MIPOL1: variants seen among roughly 807,000 people sequenced by gnomAD.
MIPOL1 encodes mirror-image polydactyly gene 1 protein.
In MIPOL1, 57 loss-of-function variants were observed where a neutral mutation model predicts 60.9. The ratio of observed to expected loss-of-function variants is 0.94; its 90% CI spans 0.76 to 1.17. The LOEUF (loss-of-function observed/expected upper bound fraction) is 1.17, where lower values mean the gene tolerates loss of function less well. MIPOL1 is among the 50% of genes most tolerant of loss of function. The probability of loss-of-function intolerance (pLI) is 0.00; values close to 1 mark genes in which losing one functional copy is unlikely to be tolerated. For synonymous variants in MIPOL1, 179 were observed against 168.8 expected, an observed-to-expected ratio of 1.06 and a Z score of -0.47; for missense variants, 551 against 511.6, an observed-to-expected ratio of 1.08 and a Z score of -0.74.
chr14:37,249,444 A>G (rs1973729519), intron 3 of MIPOL1, among the ~76,000 whole-genome samples: 1 of 151,928 alleles, frequency 6.6e-6, no homozygotes, highest in Non-Finnish European at 1.5e-5. Context: ...TGATTTCTGG[A>G]TTTTGTTTTT....
chr14:37,293,855 C>G (rs1034841558), intron 7 of MIPOL1, among the ~76,000 whole-genome samples: 6 of 152,220 alleles, frequency 3.9e-5, no homozygotes, highest in African/African-American at 9.6e-5. Flanking sequence ...AGGAGGCCTT[C>G]CTGCCTCTGT....
intron 1 of MIPOL1, among the ~76,000 whole-genome samples, chr14:37,200,664 GTTTTTTTTTTT>G (rs559596328): frequency 9.0e-6 from 1 of 111,222 alleles, no homozygotes; most frequent in Non-Finnish European, 1.9e-5. Context: ...TTCCCAGTTA[GTTTTTTTTTTT>G]TTTTTTTTTT....
intron 12 of MIPOL1, chr14:37,505,481 T>C (rs896053686): frequency 1.3e-5 from 2 of 152,082 alleles, no homozygotes; most frequent in African/African-American, 4.8e-5. Context: ...ATCCATCACA[T>C]AAAAAGAACC....
At chr14:37,373,681 C>T (rs947279838) in intron 10 of MIPOL1, among the ~76,000 whole-genome samples, 1 of 152,122 alleles carries the variant, frequency 6.6e-6, no homozygotes, top group African/African-American at 2.4e-5. Flanking sequence ...ATGATGATTT[C>T]CAACTTCGTC....
At chr14:37,426,521 A>T (rs1480733839) in intron 11 of MIPOL1, among the ~76,000 whole-genome samples, 1 of 146,302 alleles carries the variant, frequency 6.8e-6, no homozygotes, top group Non-Finnish European at 1.5e-5. Flanking sequence ...AGATTGCACC[A>T]TTGCACTCCA....
At chr14:37,465,705 T>C (rs993196456) in intron 11 of MIPOL1, among the ~76,000 whole-genome samples, 1 of 152,172 alleles carries the variant, frequency 6.6e-6, no homozygotes, top group Admixed American at 6.5e-5. Flanking sequence ...AATTAGGCTA[T>C]TAAAATTCCC....
At chr14:37,237,766 T>G (rs922834807) in intron 1 of MIPOL1, among the ~76,000 whole-genome samples, 4 of 152,146 alleles carry the variant, frequency 2.6e-5, no homozygotes, top group African/African-American at 7.2e-5. Context: ...GCTAAGACAC[T>G]GTGCAGGTGC....
At chr14:37,367,622 C>A (rs2092515358) in intron 9 of MIPOL1, among the ~76,000 whole-genome samples, 1 of 152,024 alleles carries the variant, frequency 6.6e-6, no homozygotes, top group Non-Finnish European at 1.5e-5. Flanking sequence ...AAATCACATT[C>A]CCAAAACAAG....
intron 11 of MIPOL1, among the ~76,000 whole-genome samples, chr14:37,429,120 G>C (rs2094016451): frequency 6.6e-6 from 1 of 152,152 alleles, no homozygotes; most frequent in Non-Finnish European, 1.5e-5. Context: ...TAAACTTGTA[G>C]GGATTAGATT....
intron 11 of MIPOL1, among the ~76,000 whole-genome samples, chr14:37,446,451 TA>T (rs1327805654): frequency 6.6e-6 from 1 of 151,964 alleles, no homozygotes; most frequent in Non-Finnish European, 1.5e-5. Flanking sequence ...TGTGGAGAAA[TA>T]GGAACACTTT....
intron 9 of MIPOL1, among the ~76,000 whole-genome samples, chr14:37,312,308 A>G (rs868428790): frequency 1.3e-5 from 2 of 152,046 alleles, no homozygotes; most frequent in Non-Finnish European, 2.9e-5. Context: ...ATGGGGTTTC[A>G]TCATGTTGGC....
chr14:37,377,596 A>G (rs1265151203), intron 10 of MIPOL1, among the ~76,000 whole-genome samples: 1 of 152,120 alleles, frequency 6.6e-6, no homozygotes, highest in Admixed American at 6.6e-5. Flanking sequence ...ATTAACATCT[A>G]TCAATTAATG....
intron 1 of MIPOL1, among the ~76,000 whole-genome samples, chr14:37,215,139 C>G (rs2139384346): frequency 6.6e-6 from 1 of 152,256 alleles, no homozygotes; most frequent in East Asian, 1.9e-4. Context: ...TGTCTTCTCT[C>G]TCTCTCTCTG....
intron 12 of MIPOL1, chr14:37,503,534 C>T (rs1207323394): frequency 6.6e-6 from 1 of 152,096 alleles, no homozygotes; most frequent in Non-Finnish European, 1.5e-5. Context: ...GAAATAAAAT[C>T]CTTTACAGAC....
intron 11 of MIPOL1, among the ~76,000 whole-genome samples, chr14:37,447,804 G>GT (rs931679320): frequency 1.2e-4 from 18 of 151,808 alleles, no homozygotes; most frequent in African/African-American, 3.6e-4. Flanking sequence ...CCAGTGAGCT[G>GT]TTTTTTTTAA....
chr14:37,303,262 A>C (rs2086478600), intron 7 of MIPOL1, among the ~76,000 whole-genome samples: 1 of 151,846 alleles, frequency 6.6e-6, no homozygotes, highest in South Asian at 2.1e-4. Flanking sequence ...TCAATTACAC[A>C]TTGTCAGAAT....
At chr14:37,272,907 A>G (rs941927233) in intron 6 of MIPOL1, among the ~76,000 whole-genome samples, 7 of 151,530 alleles carry the variant, frequency 4.6e-5, no homozygotes, top group Non-Finnish European at 1.0e-4. Flanking sequence ...AGCAAATAGG[A>G]GACAATCTGT....
At position 37,247,833 on chromosome 14, in the gene MIPOL1, A is replaced by G. The variant is rs1241755121; in HGVS notation, c.-56A>G. On this transcript the variant is annotated 5_prime_UTR_variant, in exon 3 of 13. Transcript: ENST00000684589. ...CTAGAGTTGGCTTTATTTTAGCTGC[A>G]AATCTTGGAGCAAAAACCAGAGACA... The G allele has an allele frequency of 1.1e-5, 17 of 1,604,488 alleles. No individual in the cohort carries two copies. The highest frequency in any genetic ancestry group is 1.4e-5 in the Non-Finnish European group (17 of 1,173,438).
chr14:37,326,461 A>G lies in MIPOL1; in HGVS notation c.828+17942A>G, dbSNP rs551748254. 3.3e-5 allele frequency among the ~76,000 whole-genome samples: 5 copies of G among 152,142 alleles called. No homozygotes were observed. The South Asian group carries it at 1.0e-3, about 32-fold the overall frequency. The stretch of plus-strand genomic sequence containing the variant: ...GTGTAGGGAAGGCAGATCCATATCC[A>G]GAGGAAGTGTCTATTCTAATAAGAA... On this transcript the variant is annotated intron_variant, in intron 9 of 12. Transcript: ENST00000684589.
Sources: allele counts gnomAD v4.1 joint callset (sites outside exome capture counted in the v4.1 genomes callset), GRCh38; gene constraint gnomAD v4.1.1; transcripts MANE v1.5; gene names NCBI Gene and HGNC (gene_info 2026-07-23, HGNC 2026-07-21).